The following NEGR1 variants were observed in gnomAD, a reference collection of about 807,000 sequenced individuals.
The protein encoded by NEGR1 is IgLON family member 4.
A neutral mutation model predicts 40.9 loss-of-function variants in NEGR1; 10 were observed. That is an observed-to-expected ratio of 0.24 (90% CI 0.15 to 0.42). The LOEUF is 0.42. NEGR1 is among the 10% of genes least tolerant of loss of function. The probability of loss-of-function intolerance (pLI) is 1.00; values close to 1 mark genes in which losing one functional copy is unlikely to be tolerated. For synonymous variants in NEGR1, 185 were observed against 166.8 expected (o/e 1.11, Z -0.84); for missense variants, 352 against 438.9 (o/e 0.80, Z 1.77).
intron 1 of NEGR1, among the ~76,000 whole-genome samples, chr1:72,151,400 T>C (rs576733705): frequency 1.9e-4 from 29 of 151,882 alleles, no homozygotes; most frequent in African/African-American, 6.5e-4. Context: ...TAAAGCAGAT[T>C]TCCCTTTAAG....
chr1:71,757,930 T>G (rs1007422284), intron 3 of NEGR1, among the ~76,000 whole-genome samples: 1 of 152,148 alleles, frequency 6.6e-6, no homozygotes, highest in Non-Finnish European at 1.5e-5. Flanking sequence ...TAAATTTTAA[T>G]AATAATAGCT....
At chr1:72,282,141 C>T (rs1009680521) in intron 1 of NEGR1, among the ~76,000 whole-genome samples, 178 bp downstream of exon 1, 1 of 152,160 alleles carries the variant, frequency 6.6e-6, no homozygotes, top group Non-Finnish European at 1.5e-5. Flanking sequence ...GCTACCTGCC[C>T]CAGCATAAAC....
At chr1:72,270,540 T>C (rs1655807638) in intron 1 of NEGR1, among the ~76,000 whole-genome samples, 1 of 151,870 alleles carries the variant, frequency 6.6e-6, no homozygotes, top group Non-Finnish European at 1.5e-5. Context: ...GTTTGCTAAG[T>C]TTTTAATGCT....
chr1:71,908,698 C>A (rs2101870936), intron 2 of NEGR1, among the ~76,000 whole-genome samples: 1 of 152,204 alleles, frequency 6.6e-6, no homozygotes, highest in Non-Finnish European at 1.5e-5. Flanking sequence ...AAACTTAGAC[C>A]ATTGATTGCT....
chr1:71,610,943 G>T lies in NEGR1; in HGVS notation c.788+83C>A, dbSNP rs536481896. 34 of 1,424,706 alleles carry T rather than the reference G, an allele frequency of 2.4e-5. No individual in the cohort carries two copies. The African/African-American group carries it at 4.5e-4, about 19-fold the overall frequency. 88.3% of individuals were successfully genotyped at this position (1,424,706 alleles called of 1,614,324 possible). On this transcript the variant is annotated intron_variant, in intron 5 of 6. Coordinates refer to ENST00000357731, the MANE Select transcript of NEGR1 (RefSeq NM_173808.3). ...CTGAGAATCATTCAAGCCAGTTAAA[G>T]AAATTGCCTAAAGTAAGTATCTGAA...
chr1:71,930,159 T>C (rs1645841731), intron 2 of NEGR1, among the ~76,000 whole-genome samples: 1 of 152,186 alleles, frequency 6.6e-6, no homozygotes, highest in South Asian at 2.1e-4. Context: ...TTTAAATTTT[T>C]TTTTTACTTC....
chr1:72,214,578 A>C (rs111991104), intron 1 of NEGR1, among the ~76,000 whole-genome samples: 1 of 152,102 alleles, frequency 6.6e-6, no homozygotes, highest in African/African-American at 2.4e-5. Context: ...AATAATAGAC[A>C]GAGAGCCAAA....
At chr1:72,070,077 C>T (rs113474561) in intron 1 of NEGR1, among the ~76,000 whole-genome samples, 2 of 151,830 alleles carry the variant, frequency 1.3e-5, no homozygotes, top group Non-Finnish European at 2.9e-5. Flanking sequence ...TACAGACATA[C>T]ATTTAAGACT....
chr1:71,672,312 T>C (rs1020071414), intron 4 of NEGR1, among the ~76,000 whole-genome samples: 3 of 152,182 alleles, frequency 2.0e-5, no homozygotes, highest in African/African-American at 7.2e-5. Context: ...ATTGCATTCA[T>C]TAAAAATTAA....
chr1:71,462,449 T>A (rs533648201), intron 6 of NEGR1, among the ~76,000 whole-genome samples: 92 of 152,266 alleles, frequency 6.0e-4, no homozygotes, highest in Non-Finnish European at 1.1e-3. Context: ...CCTTTTGTAG[T>A]GCAAAGCAGG....
chr1:71,955,331 C>G (rs1256437207), intron 1 of NEGR1, among the ~76,000 whole-genome samples: 1 of 152,072 alleles, frequency 6.6e-6, no homozygotes, highest in Non-Finnish European at 1.5e-5. Context: ...TAATTTAATG[C>G]AGAGAGGAAT....
chr1:72,246,985 C>A lies in NEGR1; in HGVS notation c.176+35334G>T, dbSNP rs143378459. Among the ~76,000 whole-genome samples the A allele has an allele frequency of 5.2e-3, 797 of 152,298 alleles. 8 individuals are homozygous for A. The highest frequency in any genetic ancestry group is 0.019 in the African/African-American group (769 of 41,560). On this transcript the variant is annotated intron_variant, in intron 1 of 6. Transcript: ENST00000357731. ...TCTTGCATTCTCCAAAGTAGCAGCC[C>A]GAGCTGTACCTGGGCTTCTGTGAGC...
chr1:71,944,706 C>A (rs1249971356), intron 1 of NEGR1, among the ~76,000 whole-genome samples: 1 of 152,168 alleles, frequency 6.6e-6, no homozygotes, highest in Admixed American at 6.5e-5. Context: ...CCTTCCCAAC[C>A]CATCTGCTTA....
chr1:71,399,939 T>C lies in NEGR1; in HGVS notation c.*7507A>G, dbSNP rs1646236268. The C allele has an allele frequency of 6.7e-6, 1 of 149,480 alleles. No individual in the cohort carries two copies. Among genetic ancestry groups the C allele is most frequent in the South Asian group, 2.1e-4 (1 of 4,794 alleles). 9.3% of individuals were successfully genotyped at this position (149,480 alleles called of 1,614,324 possible). Reference sequence around the variant, plus strand: ...TAGTCTTCAACGAATATTTTGTAAGTTTTTTTTCTAAGATATGGTCCCCAA... The same window carrying C: ...TAGTCTTCAACGAATATTTTGTAAGCTTTTTTTCTAAGATATGGTCCCCAA... On this transcript the variant is annotated 3_prime_UTR_variant, in exon 7 of 7. Coordinates refer to ENST00000357731, the MANE Select transcript of NEGR1 (RefSeq NM_173808.3).
At chr1:72,230,531 AAT>A (rs1043893342) in intron 1 of NEGR1, among the ~76,000 whole-genome samples, 5 of 152,162 alleles carry the variant, frequency 3.3e-5, no homozygotes, top group Admixed American at 3.3e-4. Flanking sequence ...TTGCTGAATG[AAT>A]ATAAAGAAAG....
intron 1 of NEGR1, among the ~76,000 whole-genome samples, chr1:72,221,297 T>G (rs532393634): frequency 6.6e-6 from 1 of 152,140 alleles, no homozygotes; most frequent in African/African-American, 2.4e-5. Flanking sequence ...ATTTGATTAC[T>G]GGAAAGCTCC....
At chr1:72,117,359 G>C (rs1386699392) in intron 1 of NEGR1, among the ~76,000 whole-genome samples, 3 of 151,686 alleles carry the variant, frequency 2.0e-5, no homozygotes, top group Non-Finnish European at 4.4e-5. Context: ...GGCTGCATTA[G>C]TTCCTCTATT....
chr1:71,844,383 G>T (rs1026397875), intron 2 of NEGR1, among the ~76,000 whole-genome samples: 2 of 152,008 alleles, frequency 1.3e-5, no homozygotes, highest in African/African-American at 4.8e-5. Context: ...TAACAGAGAG[G>T]GTCATAATAC....
At chr1:72,132,891 C>A (rs757952438) in intron 1 of NEGR1, among the ~76,000 whole-genome samples, 3 of 151,726 alleles carry the variant, frequency 2.0e-5, no homozygotes, top group Admixed American at 2.0e-4. Flanking sequence ...ATTTTTTTTC[C>A]ATATTAAACA....
Sources: allele counts gnomAD v4.1 joint callset (sites outside exome capture counted in the v4.1 genomes callset), GRCh38; gene constraint gnomAD v4.1.1; transcripts MANE v1.5; gene names NCBI Gene and HGNC (gene_info 2026-07-23, HGNC 2026-07-21).